PHLDB2: variants seen among roughly 807,000 people sequenced by gnomAD.
PHLDB2 encodes pleckstrin homology-like domain family B member 2.
Under a neutral mutation model 123.6 loss-of-function variants are expected in PHLDB2, and 71 were observed. That is an observed-to-expected ratio of 0.57 (90% confidence interval 0.47 to 0.70). The LOEUF is 0.70. Ranked by LOEUF, PHLDB2 falls within the 30% of genes least tolerant of loss-of-function variation. The pLI, the probability that PHLDB2 is intolerant of heterozygous loss-of-function variation, is 0.00. For synonymous variants in PHLDB2, 547 were observed against 541.6 expected, an observed-to-expected ratio of 1.01 and a Z score of -0.14; for missense variants, 1,446 against 1,519.5, an observed-to-expected ratio of 0.95 and a Z score of 0.80.
chr3:111,922,164 G>A (rs553101294), intron 5 of PHLDB2, among the ~76,000 whole-genome samples: 1 of 152,300 alleles, frequency 6.6e-6, no homozygotes, highest in South Asian at 2.1e-4. Context: ...GTGCAACATA[G>A]GAATTAGGTA....
At position 111,845,820 on chromosome 3, in the gene PHLDB2, G is replaced by C; in HGVS notation, c.-48-1G>C. On this transcript the variant is annotated splice_acceptor_variant, in intron 1 of 17. Coordinates refer to the PHLDB2 transcript ENST00000393923. LOFTEE classifies it low-confidence loss of function (5UTR_SPLICE). ...TACCTCTCTTTTCTTGCTGTGTGCA[G>C]GCTGGCACTGATCCCAGTTTATCCT... The C allele has an allele frequency of 1.2e-6, 2 of 1,614,112 alleles. No individual in the cohort carries two copies. Among genetic ancestry groups the C allele is most frequent in the South Asian group, 2.2e-5 (2 of 91,070 alleles).
At chr3:111,948,444 C>G (rs1022597315) in intron 9 of PHLDB2, among the ~76,000 whole-genome samples, 1 of 152,164 alleles carries the variant, frequency 6.6e-6, no homozygotes, top group Non-Finnish European at 1.5e-5. Context: ...TAGCCCTCAG[C>G]CCATTTTCCT....
chr3:111,844,553 A>T (rs2063854924), intron 1 of PHLDB2, among the ~76,000 whole-genome samples: 1 of 152,190 alleles, frequency 6.6e-6, no homozygotes, highest in African/African-American at 2.4e-5. Flanking sequence ...ACTATTGTAC[A>T]CAAATGCCTT....
chr3:111,964,389 G>A (rs925943833), intron 13 of PHLDB2, among the ~76,000 whole-genome samples: 1 of 152,100 alleles, frequency 6.6e-6, no homozygotes, highest in African/African-American at 2.4e-5. Flanking sequence ...GCCCAGGCTG[G>A]TGTGCAATGG....
intron 3 of PHLDB2, chr3:111,914,366 A>AAG (rs2068050119): frequency 6.6e-6 from 1 of 152,156 alleles, no homozygotes; most frequent in Non-Finnish European, 1.5e-5. Flanking sequence ...AATATTTCCA[A>AAG]ATCGTACTTC....
chr3:111,772,990 A>C (rs1282356477), intron 1 of PHLDB2, among the ~76,000 whole-genome samples: 1 of 152,186 alleles, frequency 6.6e-6, no homozygotes, highest in African/African-American at 2.4e-5. Context: ...TGCAAATCAT[A>C]TATTTCTGAT....
chr3:111,939,445 T>G (rs763184450), intron 6 of PHLDB2, 30 bp from the exon 7 acceptor site: 1 of 1,584,892 alleles, frequency 6.3e-7, no homozygotes, highest in Admixed American at 1.9e-5. Flanking sequence ...TATCTCAGTG[T>G]GTCTTGTTTT....
intron 1 of PHLDB2, among the ~76,000 whole-genome samples, chr3:111,812,107 C>T (rs1042510564): frequency 6.6e-6 from 1 of 152,194 alleles, no homozygotes; most frequent in Admixed American, 6.5e-5. Context: ...TCTGCTGTCT[C>T]TTATCTCTGA....
At position 111,897,389 on chromosome 3, in the gene PHLDB2, G is replaced by A. The variant is rs1262293861; in HGVS notation, c.1335+11977G>A. Among the ~76,000 whole-genome samples the A allele has an allele frequency of 2.0e-5, 3 of 152,078 alleles. No homozygotes were observed. The East Asian group carries it at 5.8e-4, about 29-fold the overall frequency. On this transcript the variant is annotated intron_variant, in intron 2 of 17. Coordinates refer to ENST00000431670, the MANE Select transcript of PHLDB2 (RefSeq NM_001134438.2). ...GTTTTTTTCCCCATATAATGTACAG[G>A]GTTCTGAGTTATACTTAGTGGGAGA...
chr3:111,887,208 G>C (rs761992276), intron 2 of PHLDB2, among the ~76,000 whole-genome samples: 1 of 152,196 alleles, frequency 6.6e-6, no homozygotes, highest in Non-Finnish European at 1.5e-5. Flanking sequence ...GTGACCTTCT[G>C]TACTGCCTGT....
In PHLDB2 at chr3:111,859,278, G is replaced by C. The variant is rs1362535487; in HGVS notation, c.-313G>C. 1 of 985,424 alleles carries C rather than the reference G, an allele frequency of 1.0e-6. No individual in the cohort carries two copies. The highest frequency in any genetic ancestry group is 1.2e-6 in the Non-Finnish European group (1 of 830,004). 61.0% of individuals were successfully genotyped at this position (985,424 alleles called of 1,614,324 possible). ...ACGAAAGTCCCTACTGCGTTGCTGCGAACGTAGCTTTGAGAAGCTGGCGCC... is the reference window on the plus strand; with the variant it reads ...ACGAAAGTCCCTACTGCGTTGCTGCCAACGTAGCTTTGAGAAGCTGGCGCC... On this transcript the variant is annotated 5_prime_UTR_variant, in exon 1 of 18. Coordinates refer to ENST00000431670, the MANE Select transcript of PHLDB2 (RefSeq NM_001134438.2).
chr3:111,780,336 A>C, intron 1 of PHLDB2, among the ~76,000 whole-genome samples: 1 of 12,926 alleles, frequency 7.7e-5, no homozygotes, highest in African/African-American at 1.1e-4. Context: ...AAGAAGAAGA[A>C]GAAGAAGAAG....
chr3:111,920,795 A>AAT (rs1317526851), intron 5 of PHLDB2, among the ~76,000 whole-genome samples: 1 of 152,052 alleles, frequency 6.6e-6, no homozygotes, highest in Non-Finnish European at 1.5e-5. Context: ...CCCTGTAGGG[A>AAT]TGGCTTAAGC....
At chr3:111,957,971 T>C (rs190420908) in intron 12 of PHLDB2, 1 of 152,368 alleles carries the variant, frequency 6.6e-6, no homozygotes, top group African/African-American at 2.4e-5. Context: ...TTGATGAATA[T>C]GTGTGAAAGA....
chr3:111,901,755 C>G (rs2067217928), intron 2 of PHLDB2, among the ~76,000 whole-genome samples: 1 of 152,140 alleles, frequency 6.6e-6, no homozygotes, highest in Admixed American at 6.5e-5. Context: ...TGGTGAAGAG[C>G]AATAGCATAA....
At chr3:111,743,113 T>G (rs6796087) in intron 1 of PHLDB2, among the ~76,000 whole-genome samples, 1 of 152,012 alleles carries the variant, frequency 6.6e-6, no homozygotes, top group African/African-American at 2.4e-5. Context: ...CAGTCTTCCT[T>G]TCTAAAAATC....
intron 6 of PHLDB2, among the ~76,000 whole-genome samples, chr3:111,932,639 T>G (rs2069207013): frequency 7.0e-6 from 1 of 142,974 alleles, no homozygotes; most frequent in South Asian, 2.1e-4. Flanking sequence ...TCTGGAGTCA[T>G]TTTTTTTTGT....
At chr3:111,945,174 A>G (rs2107614428) in intron 8 of PHLDB2, 94 bp from the exon 9 acceptor site, 1 of 821,720 alleles carries the variant, frequency 1.2e-6, no homozygotes, top group South Asian at 1.6e-5. Flanking sequence ...GAAATATGTG[A>G]GAATCTGATG....
At chr3:111,885,695 G>T in intron 2 of PHLDB2, 1 of 616,120 alleles carries the variant, frequency 1.6e-6, no homozygotes, top group South Asian at 2.0e-5. Flanking sequence ...GAGGAGTTGG[G>T]AATTTTATGA....
Sources: allele counts gnomAD v4.1 joint callset (sites outside exome capture counted in the v4.1 genomes callset), GRCh38; gene constraint gnomAD v4.1.1; transcripts MANE v1.5; gene names NCBI Gene and HGNC (gene_info 2026-07-23, HGNC 2026-07-21).